Variants in GNB1L observed in about 807,000 individuals in gnomAD.
The protein encoded by GNB1L is guanine nucleotide-binding protein subunit beta-like protein 1.
Under a neutral mutation model 29.1 loss-of-function variants are expected in GNB1L, and 20 were observed. The observed-to-expected ratio is 0.69, with a 90% CI of 0.48 to 1.00. The LOEUF (loss-of-function observed/expected upper bound fraction) is 1.00, where lower values mean the gene tolerates loss of function less well. Among genes scored for constraint, GNB1L ranks in the 50% least tolerant of loss-of-function variants. GNB1L has a pLI of 0.00. For synonymous variants in GNB1L, 193 were observed against 206.5 expected (o/e 0.93, Z 0.56); for missense variants, 421 against 464.9 (o/e 0.91, Z 0.87).
chr22:19,802,288 T>A, intron 6 of GNB1L, 72 bp from the exon 7 acceptor site: 1 of 1,265,260 alleles, frequency 7.9e-7, no homozygotes, highest in Non-Finnish European at 1.1e-6. Context: ...GAGAAGGGGC[T>A]CTGGAAATTC....
intron 2 of GNB1L, chr22:19,850,104 C>A: frequency 1.0e-6 from 1 of 985,486 alleles, no homozygotes; most frequent in Non-Finnish European, 1.2e-6. Context: ...TTTGATCAGA[C>A]CCTTGGACCC....
At chr22:19,838,462 T>TA (rs1447337434) in intron 2 of GNB1L, among the ~76,000 whole-genome samples, 117 of 121,968 alleles carry the variant, frequency 9.6e-4, no homozygotes, top group African/African-American at 4.2e-3. Flanking sequence ...TTTATTTATT[T>TA]TTTTATTTTT....
rs1477074798 is a variant in GNB1L at position 19,854,526 on chromosome 22, A to C, written c.-104T>G. On this transcript the variant is annotated 5_prime_UTR_variant, in exon 2 of 8. Transcript: ENST00000329517. ...GGACGGGCCTCCCTCTGAGGGCGAG[A>C]GTCCAGGCGCCACCTAGAAAGTGGA... The C allele has an allele frequency of 6.6e-6, 1 of 152,608 alleles. No individual in the cohort carries two copies. Among genetic ancestry groups the C allele is most frequent in the Non-Finnish European group, 1.5e-5 (1 of 68,070 alleles). The allele number at this position is 152,608 out of a possible 1,614,324, so 9.5% of individuals were successfully genotyped here. A position where few individuals can be genotyped will look rare whatever the true frequency, so the allele number is the denominator to read the frequency against.
At chr22:19,852,443 A>G (rs1938130856) in intron 2 of GNB1L, 2 of 635,460 alleles carry the variant, frequency 3.1e-6, no homozygotes, top group South Asian at 4.3e-5. Context: ...GAGAGCTGAG[A>G]AGAGCTGAGA....
chr22:19,839,893 C>T (rs1018972240), intron 2 of GNB1L, among the ~76,000 whole-genome samples: 4 of 148,746 alleles, frequency 2.7e-5, no homozygotes, highest in African/African-American at 4.9e-5. Flanking sequence ...ATAATAATAA[C>T]AATAATAATA....
At chr22:19,800,658 G>A (rs534896965) in intron 7 of GNB1L, among the ~76,000 whole-genome samples, 3 of 152,336 alleles carry the variant, frequency 2.0e-5, no homozygotes, top group African/African-American at 7.2e-5. Context: ...GACATGAGAA[G>A]CTCTGCCGCT....
intron 2 of GNB1L, among the ~76,000 whole-genome samples, chr22:19,831,199 A>G (rs1937674437): frequency 6.6e-6 from 1 of 151,902 alleles, no homozygotes. Context: ...CATCTCTACT[A>G]AAAATACAAA....
chr22:19,819,524 C>T (rs1937561374), intron 4 of GNB1L, among the ~76,000 whole-genome samples: 1 of 152,166 alleles, frequency 6.6e-6, no homozygotes, highest in Non-Finnish European at 1.5e-5. Context: ...CTAGGCTCTT[C>T]CCAGCAGGCA....
intron 4 of GNB1L, among the ~76,000 whole-genome samples, chr22:19,815,481 A>G (rs1040343408): frequency 2.6e-5 from 4 of 152,230 alleles, no homozygotes; most frequent in Non-Finnish European, 4.4e-5. Flanking sequence ...GGGAGGGGCC[A>G]GGGCCAAGGG....
At chr22:19,814,679 C>T (rs530719727) in intron 4 of GNB1L, among the ~76,000 whole-genome samples, 1 of 152,276 alleles carries the variant, frequency 6.6e-6, no homozygotes, top group African/African-American at 2.4e-5. Context: ...AAACCCATCA[C>T]CCCAGTCTTA....
At chr22:19,795,026 T>C (rs894360514) in intron 7 of GNB1L, among the ~76,000 whole-genome samples, 22 of 152,066 alleles carry the variant, frequency 1.4e-4, no homozygotes, top group African/African-American at 5.3e-4. Context: ...AAAAGATGCT[T>C]TTTAAATATC....
intron 5 of GNB1L, 128 bp from the exon 6 acceptor site, chr22:19,806,885 C>T: frequency 1.4e-6 from 1 of 740,602 alleles, no homozygotes; most frequent in Non-Finnish European, 2.4e-6. Context: ...CCCGTGGGCA[C>T]CTGGGAGCCC....
chr22:19,827,723 C>A (rs1449612052), intron 2 of GNB1L, among the ~76,000 whole-genome samples: 1 of 152,166 alleles, frequency 6.6e-6, no homozygotes, highest in Non-Finnish European at 1.5e-5. Context: ...ACAACTGGAA[C>A]CTTCTACCAT....
rs1937526470 is a variant in GNB1L at position 19,816,659 on chromosome 22, CCA to C, written c.254+3937_254+3938del. On this transcript the variant is annotated intron_variant, in intron 4 of 7. Transcript: ENST00000329517. The surrounding 1 kb of genome is among the most constrained non-coding windows in gnomAD (Gnocchi z 4.4). ...CATACACACCTCACATACATACACA[CCA>C]CACAGGCACCTCACACATACACAAC... is the stretch of plus-strand genomic sequence containing the variant. Among the ~76,000 whole-genome samples the C allele has an allele frequency of 6.6e-6, 1 of 152,126 alleles. No individual in the cohort carries two copies.
chr22:19,841,517 G>C (rs1937860250), intron 2 of GNB1L, among the ~76,000 whole-genome samples: 1 of 152,100 alleles, frequency 6.6e-6, no homozygotes, highest in Admixed American at 6.5e-5. Context: ...CGCCATGATA[G>C]TCCCAGCTAT....
chr22:19,848,026 G>T, intron 2 of GNB1L: 1 of 985,158 alleles, frequency 1.0e-6, no homozygotes, highest in Non-Finnish European at 1.2e-6. Context: ...TATTTGGCCC[G>T]TTTCAAAGTC....
At chr22:19,847,819 A>T (rs1938000505) in intron 2 of GNB1L, 1 of 943,520 alleles carries the variant, frequency 1.1e-6, no homozygotes, top group Admixed American at 6.2e-5. Context: ...AAAAAAAAAA[A>T]AAAAAATTCA....
At chr22:19,800,810 CCT>C (rs900924818) in intron 7 of GNB1L, among the ~76,000 whole-genome samples, 1 of 152,200 alleles carries the variant, frequency 6.6e-6, no homozygotes, top group African/African-American at 2.4e-5. Flanking sequence ...GAACCCTGCC[CCT>C]CTGTGTATCC....
chr22:19,811,018 T>C (rs1569043812), intron 5 of GNB1L, among the ~76,000 whole-genome samples: 1 of 152,174 alleles, frequency 6.6e-6, no homozygotes, highest in Non-Finnish European at 1.5e-5. Flanking sequence ...AGGGAAGAGC[T>C]GACTCAAACT....
Sources: gnomAD v4.1 joint callset for allele counts (sites outside exome capture counted in the v4.1 genomes callset) on GRCh38, gnomAD v4.1.1 for gene constraint, Gnocchi (gnomAD v3.1) non-coding constraint, MANE v1.5 for transcripts, NCBI Gene and HGNC (gene_info 2026-07-23, HGNC 2026-07-21) for gene names.